ASB4: variants seen among roughly 807,000 people sequenced by gnomAD.
The protein encoded by ASB4 is ankyrin repeat and SOCS box protein 4.
A neutral mutation model predicts 38.6 loss-of-function variants in ASB4; 35 were observed. The observed-to-expected ratio is 0.91, with a 90% CI of 0.69 to 1.20. The LOEUF (loss-of-function observed/expected upper bound fraction) is 1.20, where lower values mean the gene tolerates loss of function less well. ASB4 is among the 50% of genes most tolerant of loss of function. The pLI is 0.00. For missense variants in ASB4, 557 were observed against 527.2 expected, an observed-to-expected ratio of 1.06 and a Z score of -0.55; for synonymous variants, 195 against 201.3, an observed-to-expected ratio of 0.97 and a Z score of 0.26.
At chr7:95,511,523 A>C (rs927060411) in intron 2 of ASB4, among the ~76,000 whole-genome samples, 1 of 151,980 alleles carries the variant, frequency 6.6e-6, no homozygotes, top group Non-Finnish European at 1.5e-5. Context: ...TGGACTTAAT[A>C]ATTAATAATA....
intron 3 of ASB4, 195 bp downstream of exon 3, chr7:95,528,498 G>A (rs1790777240): frequency 3.5e-6 from 5 of 1,432,934 alleles, no homozygotes; most frequent in South Asian, 3.0e-5. Context: ...TTGAAATTGG[G>A]TGTGAGAGCT....
intron 2 of ASB4, among the ~76,000 whole-genome samples, chr7:95,518,936 G>A (rs1418810065): frequency 6.6e-6 from 1 of 152,154 alleles, no homozygotes; most frequent in East Asian, 1.9e-4. Flanking sequence ...TTATAGATAA[G>A]AAGAAATAAA....
intron 2 of ASB4, among the ~76,000 whole-genome samples, chr7:95,501,434 G>T (rs1310805778): frequency 6.6e-6 from 1 of 152,180 alleles, no homozygotes; most frequent in Non-Finnish European, 1.5e-5. Context: ...ATTTTAATCC[G>T]AAATAGATAG....
At chr7:95,484,074 T>A (rs62467674), upstream of ASB4, among the ~76,000 whole-genome samples, 2,022 of 148,812 alleles carry the variant, frequency 0.014, 36 homozygotes, top group Admixed American at 0.036. Flanking sequence ...ATGGCTGTAA[T>A]CCCAGCGCTT....
At chr7:95,485,706 A>G (rs1193661329), upstream of ASB4, among the ~76,000 whole-genome samples, 1 of 152,208 alleles carries the variant, frequency 6.6e-6, no homozygotes, top group Non-Finnish European at 1.5e-5. Context: ...ATGCCTGGAA[A>G]TGTATCACGG....
chr7:95,522,731 A>G (rs1341739800), intron 2 of ASB4, among the ~76,000 whole-genome samples: 1 of 152,208 alleles, frequency 6.6e-6, no homozygotes, highest in Non-Finnish European at 1.5e-5. Flanking sequence ...CTCTGCTGAA[A>G]TTCTTATCTT....
At chr7:95,547,846 C>A in the ASB4 span, among the ~76,000 whole-genome samples, 1 of 152,224 alleles carries the variant, frequency 6.6e-6, no homozygotes, top group Non-Finnish European at 1.5e-5. Context: ...AGATTCATGA[C>A]TGAAACATTA....
intron 3 of ASB4, among the ~76,000 whole-genome samples, chr7:95,535,068 G>A (rs925255761): frequency 6.6e-6 from 1 of 151,782 alleles, no homozygotes; most frequent in African/African-American, 2.4e-5. Context: ...ACACACACAT[G>A]CACATGCACA....
intron 3 of ASB4, chr7:95,528,817 T>C (rs991092779): frequency 8.1e-6 from 4 of 493,854 alleles, no homozygotes; most frequent in African/African-American, 4.2e-5. Context: ...TATGTCTTCA[T>C]TTAATTCTTA....
chr7:95,473,799 G>A (rs930406216), upstream of ASB4: 2 of 152,166 alleles, frequency 1.3e-5, no homozygotes, highest in Non-Finnish European at 2.9e-5. Flanking sequence ...GGGACTCCAG[G>A]CCTGATTTAA....
At chr7:95,506,507 A>G (rs1790409820) in intron 2 of ASB4, among the ~76,000 whole-genome samples, 1 of 152,148 alleles carries the variant, frequency 6.6e-6, no homozygotes, top group African/African-American at 2.4e-5. Flanking sequence ...ACCCCAGTGC[A>G]TGAATTCTAC....
chr7:95,545,163 A>G (rs73708033), downstream of ASB4, among the ~76,000 whole-genome samples: 5,854 of 152,224 alleles, frequency 0.038, 254 homozygotes, highest in African/African-American at 0.099. Context: ...AGTTTGGCCT[A>G]AAGGAGGCAC....
intron 1 of ASB4, among the ~76,000 whole-genome samples, chr7:95,492,691 G>A (rs557707694): frequency 3.9e-5 from 6 of 152,232 alleles, no homozygotes; most frequent in South Asian, 2.1e-4. Context: ...AGAAGCAGGC[G>A]CAAATTTCCA....
At chr7:95,496,224 T>C in intron 2 of ASB4, 167 bp downstream of exon 2, 1 of 567,964 alleles carries the variant, frequency 1.8e-6, no homozygotes, top group Non-Finnish European at 3.0e-6. Context: ...GGTAATTCAA[T>C]GATGATCACA....
chr7:95,508,467 ATAATTAT>A (rs1790439722), intron 2 of ASB4, among the ~76,000 whole-genome samples: 1 of 152,238 alleles, frequency 6.6e-6, no homozygotes, highest in Admixed American at 6.5e-5. Flanking sequence ...ATTATAGAGA[ATAATTAT>A]TATAGGGAAT....
chr7:95,476,097 AT>A (rs577613751), upstream of ASB4, among the ~76,000 whole-genome samples: 49 of 152,312 alleles, frequency 3.2e-4, 1 homozygote, highest in Admixed American at 1.6e-3. Flanking sequence ...GGCACAGTAG[AT>A]TCTGGTCTGC....
chr7:95,488,655 A>G (rs746056768), intron 1 of ASB4, among the ~76,000 whole-genome samples: 6 of 152,238 alleles, frequency 3.9e-5, no homozygotes, highest in Non-Finnish European at 8.8e-5. Context: ...AAATCAAAGG[A>G]GAAGTTTTGG....
the ASB4 span, among the ~76,000 whole-genome samples, chr7:95,550,899 A>T: frequency 6.6e-6 from 1 of 152,190 alleles, no homozygotes; most frequent in Non-Finnish European, 1.5e-5. Flanking sequence ...AGTTTTCTTA[A>T]ATCCTTGGTG....
intron 1 of ASB4, among the ~76,000 whole-genome samples, chr7:95,490,639 G>C (rs1332232408): frequency 6.6e-6 from 1 of 152,212 alleles, no homozygotes; most frequent in Non-Finnish European, 1.5e-5. Context: ...CAGAGCCCAG[G>C]CTTAGCTGAA....
Sources: gnomAD v4.1 joint callset for allele counts (sites outside exome capture counted in the v4.1 genomes callset) on GRCh38, gnomAD v4.1.1 for gene constraint, MANE v1.5 for transcripts, NCBI Gene and HGNC (gene_info 2026-07-23, HGNC 2026-07-21) for gene names.